Variants in UTRN observed in about 807,000 individuals in gnomAD.
UTRN encodes the protein dystrophin-related protein 1.
A neutral mutation model predicts 463.9 loss-of-function variants in UTRN; 283 were observed. The ratio of observed to expected loss-of-function variants is 0.61; its 90% CI spans 0.55 to 0.67. The LOEUF (loss-of-function observed/expected upper bound fraction) is 0.67, where lower values mean the gene tolerates loss of function less well. UTRN is among the 30% of genes least tolerant of loss of function. UTRN has a pLI of 0.00. For synonymous variants in UTRN, 1,442 were observed against 1,431.5 expected, an observed-to-expected ratio of 1.01 and a Z score of -0.17; for missense variants, 3,922 against 4,084.3, an observed-to-expected ratio of 0.96 and a Z score of 1.08.
At chr6:144,574,900 T>C (rs1386956900) in intron 50 of UTRN, among the ~76,000 whole-genome samples, 1 of 152,092 alleles carries the variant, frequency 6.6e-6, no homozygotes, top group East Asian at 1.9e-4. Context: ...TGTTTTTGTT[T>C]CTCTTGGATA....
intron 64 of UTRN, chr6:144,799,484 A>G: frequency 2.1e-6 from 1 of 471,714 alleles, no homozygotes. Flanking sequence ...GTAAAGTCAC[A>G]GTTTAAATGC....
At chr6:144,510,661 A>G (rs1001583515) in intron 34 of UTRN, among the ~76,000 whole-genome samples, 2 of 152,190 alleles carry the variant, frequency 1.3e-5, no homozygotes, top group Non-Finnish European at 2.9e-5. Context: ...TATGTAATAA[A>G]TGGATTTATA....
chr6:144,591,063 C>G (rs570419355), intron 51 of UTRN, among the ~76,000 whole-genome samples: 5 of 152,264 alleles, frequency 3.3e-5, no homozygotes, highest in Non-Finnish European at 5.9e-5. Flanking sequence ...GATGATCCAC[C>G]TGACATGCCT....
At position 144,479,995 on chromosome 6, in the gene UTRN, C is replaced by T. The variant is rs759899715; in HGVS notation, c.3507+13C>T. Reference sequence around the variant, plus strand: ...GGAAGAGATGAAGGTGAGGCGGGGACGACCAGTGCCAACAGGCTTCATGCC... The same window carrying T: ...GGAAGAGATGAAGGTGAGGCGGGGATGACCAGTGCCAACAGGCTTCATGCC... On this transcript the variant is annotated intron_variant, in intron 26 of 74. Coordinates refer to ENST00000367545, the MANE Select transcript of UTRN (RefSeq NM_007124.3). 3.1e-6 allele frequency: 5 copies of T among 1,611,412 alleles called. No homozygotes were observed. Among genetic ancestry groups the T allele is most frequent in the East Asian group, 4.5e-5 (2 of 44,826 alleles).
intron 65 of UTRN, among the ~76,000 whole-genome samples, chr6:144,818,561 C>T (rs960192339): frequency 3.3e-5 from 5 of 152,128 alleles, no homozygotes; most frequent in Admixed American, 1.3e-4. Flanking sequence ...AGTTTACTCC[C>T]AAGTAAAAGC....
At position 144,835,905 on chromosome 6, in the gene UTRN, A is replaced by G; in HGVS notation, c.9791A>G (p.Glu3264Gly). ...SVEREERGEL[E>G]RIIADLEEEQ... Reference sequence around the variant, plus strand: ...GAGAGGGAAGAACGTGGAGAACTGGAGAGGATCATTGCTGACCTGGAGGAA... The same window carrying G: ...GAGAGGGAAGAACGTGGAGAACTGGGGAGGATCATTGCTGACCTGGAGGAA... The change falls in exon 70 of 75, where the codon GAG becomes GGG. Residue 3264 changes from glutamate (E) to glycine (G), a missense_variant. By Grantham distance (98) the Glu-to-Gly change is moderately conservative (BLOSUM62 -2). Transcript: ENST00000367545. 6.2e-7 allele frequency: 1 copy of G among 1,614,128 alleles called. No individual in the cohort carries two copies. The highest frequency in any genetic ancestry group is 1.1e-5 in the South Asian group (1 of 91,086).
rs370997516 is a variant in UTRN, at chr6:144,538,616, G to A, written c.6370-678G>A. Among the ~76,000 whole-genome samples the A allele has an allele frequency of 4.6e-5, 7 of 150,814 alleles. 1 individual carries two copies. In the South Asian group the frequency reaches 1.0e-3, roughly 22 times the overall value. On this transcript the variant is annotated intron_variant, in intron 44 of 74. Transcript: ENST00000367545. Reference sequence around the variant, plus strand: ...ACCCAGGAGGCAGAGGTTGCAGTGAGCCGAGATCGTGCCACTGCACTCCAG... The same window carrying A: ...ACCCAGGAGGCAGAGGTTGCAGTGAACCGAGATCGTGCCACTGCACTCCAG...
At position 144,340,584 on chromosome 6, in the gene UTRN, C is replaced by G. The variant is rs529645404; in HGVS notation, c.79+48677C>G. Among the ~76,000 whole-genome samples the G allele has an allele frequency of 2.0e-5, 3 of 152,188 alleles. No homozygotes were observed. In the East Asian group the frequency reaches 5.8e-4, roughly 29 times the overall value. ...TCTCTCCACTCCAATTCTTTCTTTC[C>G]TTTTTTGATGAGAGTAGACCTAGGC... On this transcript the variant is annotated intron_variant, in intron 2 of 74. Transcript: ENST00000367545.
intron 41 of UTRN, 76 bp from the exon 42 acceptor site, chr6:144,530,976 T>C: frequency 1.4e-6 from 2 of 1,471,316 alleles, no homozygotes; most frequent in Non-Finnish European, 1.8e-6. Flanking sequence ...AAATTTGATT[T>C]TCTTTTTTAG....
chr6:144,387,522 C>T (rs1781522010), intron 2 of UTRN, among the ~76,000 whole-genome samples: 1 of 152,182 alleles, frequency 6.6e-6, no homozygotes, highest in Non-Finnish European at 1.5e-5. Context: ...ATTCAGCTCC[C>T]TCTTCCACGG....
intron 56 of UTRN, among the ~76,000 whole-genome samples, chr6:144,753,728 A>G (rs1031044757): frequency 6.6e-5 from 10 of 151,258 alleles, no homozygotes; most frequent in Middle Eastern, 3.2e-3. Flanking sequence ...TTAACCCGGC[A>G]TGATTGCACA....
In UTRN at chr6:144,368,078, C is replaced by A. The variant is rs1779663120; in HGVS notation, c.80-35045C>A. On this transcript the variant is annotated intron_variant, in intron 2 of 74. Transcript: ENST00000367545. ...TACAGCCGTGAGCCACTGCACCCCG[C>A]CTTCTGTTTCCTTTATTACTGATAA... Among the ~76,000 whole-genome samples, 3 of 152,156 alleles carry A rather than the reference C, an allele frequency of 2.0e-5. No individual in the cohort carries two copies. The South Asian group carries it at 6.2e-4, about 31-fold the overall frequency.
intron 2 of UTRN, among the ~76,000 whole-genome samples, chr6:144,292,302 A>G (rs1408674326): frequency 3.9e-5 from 6 of 152,214 alleles, no homozygotes; most frequent in Non-Finnish European, 8.8e-5. Context: ...TCATTACCAT[A>G]TATCCTCACC....
intron 38 of UTRN, 104 bp downstream of exon 38, chr6:144,516,491 G>A: frequency 1.6e-6 from 2 of 1,287,836 alleles, no homozygotes; most frequent in Non-Finnish European, 2.1e-6. Flanking sequence ...CAAACATGAT[G>A]AAACAGATTC....
chr6:144,297,864 A>C (rs1235828588), intron 2 of UTRN, among the ~76,000 whole-genome samples: 1 of 152,226 alleles, frequency 6.6e-6, no homozygotes, highest in East Asian at 1.9e-4. Flanking sequence ...TCCCGACTGG[A>C]AAACGTGAAT....
chr6:144,490,155 G>A lies in UTRN; in HGVS notation c.4219G>A (p.Glu1407Lys). The change falls in exon 31 of 75, where the codon GAG becomes AAG. Residue 1407 changes from glutamate (E) to lysine (K), a missense_variant. Transcript: ENST00000367545. ...GCGTTCTCAGCCCCTGACCTCCCCA[G>A]AGAGTAGGACTGCCAGAGGAGGAAG... The part of the protein sequence containing the change: ...NMRSQPLTSP[E>K]SRTARGGSQM... The A allele has an allele frequency of 6.2e-7, 1 of 1,613,768 alleles. No homozygotes were observed. The highest frequency in any genetic ancestry group is 8.5e-7 in the Non-Finnish European group (1 of 1,179,808).
chr6:144,610,015 A>G (rs1805306372), intron 51 of UTRN, among the ~76,000 whole-genome samples: 1 of 152,094 alleles, frequency 6.6e-6, no homozygotes, highest in Non-Finnish European at 1.5e-5. Context: ...GTTACACCTC[A>G]AGGAACAATA....
intron 39 of UTRN, among the ~76,000 whole-genome samples, chr6:144,517,432 A>C (rs1585091966): frequency 6.6e-6 from 1 of 151,802 alleles, no homozygotes; most frequent in Non-Finnish European, 1.5e-5. Context: ...TCCTAGGCTC[A>C]AGTGATCCTC....
At chr6:144,844,064 A>C (rs572989265) in intron 73 of UTRN, among the ~76,000 whole-genome samples, 12 of 152,298 alleles carry the variant, frequency 7.9e-5, no homozygotes, top group African/African-American at 2.9e-4. Context: ...GGCTTCTGAA[A>C]GTTCTGCTAT....
Sources: gnomAD v4.1 joint callset for allele counts (sites outside exome capture counted in the v4.1 genomes callset) on GRCh38, gnomAD v4.1.1 for gene constraint, MANE v1.5 for transcripts, NCBI Gene and HGNC (gene_info 2026-07-23, HGNC 2026-07-21) for gene names.